Variants in TEKT5 observed in about 807,000 individuals in gnomAD.
TEKT5 encodes tektin-5.
A neutral mutation model predicts 48.7 loss-of-function variants in TEKT5; 52 were observed. The observed-to-expected ratio is 1.07, with a 90% CI of 0.86 to 1.35. The LOEUF is 1.35. Among genes scored for constraint, TEKT5 ranks in the 40% most tolerant of loss-of-function variants. The pLI is 0.00. For synonymous variants in TEKT5, 318 were observed against 267.6 expected (o/e 1.19, Z -1.84); for missense variants, 831 against 641.6 (o/e 1.30, Z -3.19).
chr16:10,634,445 G>A (rs777710861), intron 6 of TEKT5, among the ~76,000 whole-genome samples: 2 of 152,170 alleles, frequency 1.3e-5, no homozygotes, highest in African/African-American at 4.8e-5. Flanking sequence ...AGTGAATGCA[G>A]AATAAGGTTT....
intron 3 of TEKT5, among the ~76,000 whole-genome samples, chr16:10,686,797 G>A (rs532419977): frequency 3.4e-4 from 51 of 152,184 alleles, no homozygotes; most frequent in African/African-American, 1.1e-3. Flanking sequence ...AAGTTATTGC[G>A]GCACAATTTA....
chr16:10,651,564 G>A (rs1428931973), intron 5 of TEKT5, among the ~76,000 whole-genome samples: 1 of 152,174 alleles, frequency 6.6e-6, no homozygotes, highest in Non-Finnish European at 1.5e-5. Context: ...TGTGTGCCAG[G>A]CACTTTTCCA....
chr16:10,655,339 G>C (rs1207924034), intron 5 of TEKT5, among the ~76,000 whole-genome samples: 2 of 152,114 alleles, frequency 1.3e-5, no homozygotes, highest in African/African-American at 2.4e-5. Flanking sequence ...CGGAACTCCT[G>C]GTTCCAATCC....
At chr16:10,649,957 T>C (rs1205498513) in intron 5 of TEKT5, among the ~76,000 whole-genome samples, 4 of 152,130 alleles carry the variant, frequency 2.6e-5, no homozygotes, top group Non-Finnish European at 5.9e-5. Context: ...CCTTCCCAGG[T>C]TGGAGACTGG....
At chr16:10,661,456 A>G (rs117618632) in intron 5 of TEKT5, among the ~76,000 whole-genome samples, 3 of 152,168 alleles carry the variant, frequency 2.0e-5, no homozygotes, top group Non-Finnish European at 2.9e-5. Context: ...CAAGCTATTC[A>G]TATGCATATT....
In TEKT5 at chr16:10,635,877, C is replaced by A; in HGVS notation, c.1128G>T (p.Leu376=). The A allele has an allele frequency of 1.9e-6, 3 of 1,614,128 alleles. No homozygotes were observed. The highest frequency in any genetic ancestry group is 2.5e-6 in the Non-Finnish European group (3 of 1,180,048). The stretch of plus-strand genomic sequence containing the variant: ...CCTTGGCCATGATGGACCTTTCCAG[C>A]AGCATGATGGTGTTCTCGGCCTGGA... ...EIFQAENTIM[L]LERSIMAKEG... is the part of the protein sequence containing the mutation. The change falls in exon 6 of 7, where the codon CTG becomes CTT. Residue 376 remains leucine (L), a synonymous_variant. Transcript: ENST00000283025.
intron 5 of TEKT5, among the ~76,000 whole-genome samples, chr16:10,638,627 C>T (rs1014897193): frequency 6.6e-6 from 1 of 152,246 alleles, no homozygotes; most frequent in African/African-American, 2.4e-5. Context: ...TCATCAGCTC[C>T]ACCAGGAACA....
chr16:10,647,602 G>A (rs909698928), intron 5 of TEKT5, among the ~76,000 whole-genome samples: 2 of 152,030 alleles, frequency 1.3e-5, no homozygotes, highest in African/African-American at 4.8e-5. Flanking sequence ...ATCTAGAGAT[G>A]CCTCAGGCCA....
intron 2 of TEKT5, 138 bp from the exon 3 acceptor site, chr16:10,689,461 C>T: frequency 2.9e-6 from 2 of 692,558 alleles, no homozygotes; most frequent in Non-Finnish European, 4.9e-6. Flanking sequence ...GCGTGGGGCC[C>T]CGCCTCAATC....
intron 6 of TEKT5, among the ~76,000 whole-genome samples, chr16:10,629,496 CA>C (rs1319237523): frequency 6.6e-6 from 1 of 152,124 alleles, no homozygotes; most frequent in Non-Finnish European, 1.5e-5. Context: ...GGCAATCCGC[CA>C]GTCTCAGCCT....
chr16:10,681,337 G>A (rs2142307480), intron 4 of TEKT5, among the ~76,000 whole-genome samples: 1 of 151,948 alleles, frequency 6.6e-6, no homozygotes, highest in South Asian at 2.1e-4. Flanking sequence ...TAGAGGCTGG[G>A]ATTTGAAGCC....
At chr16:10,638,844 A>C (rs74007180) in intron 5 of TEKT5, among the ~76,000 whole-genome samples, 1 of 152,234 alleles carries the variant, frequency 6.6e-6, no homozygotes, top group Non-Finnish European at 1.5e-5. Context: ...AAACCATGGA[A>C]GTCTGGGGAA....
intron 3 of TEKT5, among the ~76,000 whole-genome samples, chr16:10,687,754 A>G (rs1898890001): frequency 6.6e-6 from 1 of 152,280 alleles, no homozygotes; most frequent in Admixed American, 6.5e-5. Flanking sequence ...CTTCGTCTCA[A>G]ACAAATAAAT....
chr16:10,641,604 G>T (rs540206807), intron 5 of TEKT5, among the ~76,000 whole-genome samples: 22 of 152,276 alleles, frequency 1.4e-4, no homozygotes, highest in Middle Eastern at 3.4e-3. Context: ...AGGATCACTT[G>T]AGTCCAGGAG....
intron 4 of TEKT5, among the ~76,000 whole-genome samples, chr16:10,678,957 G>A (rs1211664029): frequency 6.6e-6 from 1 of 152,270 alleles, no homozygotes; most frequent in East Asian, 1.9e-4. Flanking sequence ...TGGAGAGGCA[G>A]GAAGGCACCA....
intron 6 of TEKT5, among the ~76,000 whole-genome samples, chr16:10,632,735 G>A (rs187026605): frequency 1.3e-5 from 2 of 152,212 alleles, no homozygotes; most frequent in East Asian, 3.9e-4. Flanking sequence ...GAATGGAGAG[G>A]ACGGGGACAA....
intron 6 of TEKT5, among the ~76,000 whole-genome samples, chr16:10,629,925 C>T (rs925663116): frequency 3.3e-5 from 5 of 152,210 alleles, no homozygotes; most frequent in East Asian, 1.9e-4. Flanking sequence ...TAGAACTTTC[C>T]GAGGGGAGGA....
At position 10,689,988 on chromosome 16, in the gene TEKT5, A is replaced by C. The variant is rs774112162; in HGVS notation, c.602T>G (p.Ile201Ser). The change falls in exon 2 of 7, where the codon ATT becomes AGT. Residue 201 changes from isoleucine (I) to serine (S), a missense_variant. Transcript: ENST00000283025. ...LECLYHREKR[I>S]GIDLVHDNVE... Reference sequence around the variant, plus strand: ...GTTGTCATGGACCAAATCAATCCCAATCCTCTTCTCTCGATGGTACAGACA... The same window carrying C: ...GTTGTCATGGACCAAATCAATCCCACTCCTCTTCTCTCGATGGTACAGACA... 6.2e-7 allele frequency: 1 copy of C among 1,612,796 alleles called. No homozygotes were observed. Among genetic ancestry groups the C allele is most frequent in the South Asian group, 1.1e-5 (1 of 90,942 alleles).
chr16:10,670,879 G>T (rs145632337), intron 5 of TEKT5, among the ~76,000 whole-genome samples: 3,658 of 151,032 alleles, frequency 0.024, 135 homozygotes, highest in African/African-American at 0.079. Context: ...ATTTATTTAT[G>T]TATTTATTTA....
Sources: gnomAD v4.1 joint callset for allele counts (sites outside exome capture counted in the v4.1 genomes callset) on GRCh38, gnomAD v4.1.1 for gene constraint, MANE v1.5 for transcripts, NCBI Gene and HGNC (gene_info 2026-07-23, HGNC 2026-07-21) for gene names.